SNTG2: variants seen among roughly 807,000 people sequenced by gnomAD.
SNTG2 encodes syntrophin gamma 2, also known as gamma-2-syntrophin.
A neutral mutation model predicts 70.9 loss-of-function variants in SNTG2; 74 were observed. The ratio of observed to expected loss-of-function variants is 1.04; its 90% CI spans 0.86 to 1.27. The LOEUF is 1.27. Ranked by LOEUF, SNTG2 falls within the 50% of genes most tolerant of loss-of-function variation. SNTG2 has a pLI of 0.00. For missense variants in SNTG2, 717 were observed against 690.7 expected, an observed-to-expected ratio of 1.04 and a Z score of -0.43; for synonymous variants, 278 against 273.8, an observed-to-expected ratio of 1.02 and a Z score of -0.15.
At chr2:1,016,422 G>A (rs1024131631) in intron 1 of SNTG2, among the ~76,000 whole-genome samples, 2 of 152,162 alleles carry the variant, frequency 1.3e-5, no homozygotes, top group Non-Finnish European at 2.9e-5. Flanking sequence ...TGTATTTTTA[G>A]TAGAGATGGG....
chr2:971,231 T>C (rs1235153770), intron 1 of SNTG2, among the ~76,000 whole-genome samples: 1 of 152,232 alleles, frequency 6.6e-6, no homozygotes, highest in African/African-American at 2.4e-5. Context: ...TTTTCTTGAC[T>C]TGTCTGTGAA....
At chr2:1,053,482 C>T (rs1444723258) in intron 1 of SNTG2, among the ~76,000 whole-genome samples, 1 of 130,702 alleles carries the variant, frequency 7.7e-6, no homozygotes, top group Non-Finnish European at 1.6e-5. Context: ...CCCCCCACCC[C>T]CCCAGCCCTT....
At chr2:1,290,731 G>A (rs1255722524) in intron 14 of SNTG2, among the ~76,000 whole-genome samples, 1 of 152,170 alleles carries the variant, frequency 6.6e-6, no homozygotes, top group African/African-American at 2.4e-5. Flanking sequence ...CACCCACCAG[G>A]CCTTAACTCC....
intron 9 of SNTG2, among the ~76,000 whole-genome samples, chr2:1,224,708 G>T (rs1046143202): frequency 1.8e-4 from 28 of 152,224 alleles, no homozygotes; most frequent in African/African-American, 6.8e-4. Flanking sequence ...CTGGCTGAAT[G>T]GTTTCCTGTT....
chr2:1,127,913 G>A (rs1667798448), intron 4 of SNTG2, among the ~76,000 whole-genome samples: 1 of 152,076 alleles, frequency 6.6e-6, no homozygotes, highest in African/African-American at 2.4e-5. Flanking sequence ...GGGACAATTT[G>A]ACTTCCTCTT....
At chr2:1,084,674 A>G (rs1385077220) in intron 2 of SNTG2, among the ~76,000 whole-genome samples, 1 of 152,222 alleles carries the variant, frequency 6.6e-6, no homozygotes, top group East Asian at 1.9e-4. Flanking sequence ...GGTAATTTAC[A>G]AAGAACAGAA....
At chr2:1,018,314 C>T (rs553995957) in intron 1 of SNTG2, among the ~76,000 whole-genome samples, 4 of 152,282 alleles carry the variant, frequency 2.6e-5, no homozygotes, top group South Asian at 2.1e-4. Flanking sequence ...GCTGAAGGCA[C>T]GTCGCTGGTG....
intron 1 of SNTG2, among the ~76,000 whole-genome samples, chr2:1,011,817 A>G (rs1013368477): frequency 3.3e-5 from 5 of 152,220 alleles, no homozygotes; most frequent in South Asian, 2.1e-4. Flanking sequence ...CACATTTAAA[A>G]AACACATTTT....
chr2:957,076 G>A (rs1660189344), intron 1 of SNTG2, among the ~76,000 whole-genome samples: 1 of 152,114 alleles, frequency 6.6e-6, no homozygotes, highest in Non-Finnish European at 1.5e-5. Flanking sequence ...TTTTCTTTAT[G>A]TACTGAGAAA....
At chr2:1,009,822 T>C (rs918404622) in intron 1 of SNTG2, among the ~76,000 whole-genome samples, 4 of 152,226 alleles carry the variant, frequency 2.6e-5, no homozygotes, top group African/African-American at 9.6e-5. Flanking sequence ...CTCAGATTTA[T>C]GATAGGGAAT....
At chr2:1,017,069 AAAAG>A (rs1359090264) in intron 1 of SNTG2, among the ~76,000 whole-genome samples, 1 of 152,118 alleles carries the variant, frequency 6.6e-6, no homozygotes, top group Non-Finnish European at 1.5e-5. Context: ...CTGCTACAGA[AAAAG>A]AAAATCTTGT....
intron 1 of SNTG2, among the ~76,000 whole-genome samples, chr2:1,057,494 T>G (rs1320256970): frequency 6.6e-6 from 1 of 152,168 alleles, no homozygotes; most frequent in Non-Finnish European, 1.5e-5. Context: ...TGGAGTCCGA[T>G]GTGCGAGGGC....
intron 1 of SNTG2, among the ~76,000 whole-genome samples, chr2:1,019,814 C>A (rs183810363): frequency 6.6e-6 from 1 of 151,856 alleles, no homozygotes; most frequent in East Asian, 1.9e-4. Context: ...TTTGGGAGGC[C>A]GAGGCAGGTG....
intron 7 of SNTG2, among the ~76,000 whole-genome samples, chr2:1,167,102 A>G (rs1046701467): frequency 3.3e-5 from 5 of 152,260 alleles, no homozygotes; most frequent in African/African-American, 1.2e-4. Context: ...GCGATAAGGC[A>G]GAGGGTCTAA....
chr2:1,225,254 T>A (rs1368338187), intron 9 of SNTG2, among the ~76,000 whole-genome samples: 2 of 152,236 alleles, frequency 1.3e-5, no homozygotes, highest in Non-Finnish European at 2.9e-5. Context: ...TAAAGTAATT[T>A]ACACGGTGTT....
At chr2:1,216,095 C>G (rs1198997073) in intron 9 of SNTG2, among the ~76,000 whole-genome samples, 4 of 152,106 alleles carry the variant, frequency 2.6e-5, no homozygotes, top group South Asian at 4.1e-4. Flanking sequence ...GGGTCAAATG[C>G]TATTTCTAGT....
At chr2:1,315,334 C>T (rs925582798) in intron 15 of SNTG2, among the ~76,000 whole-genome samples, 2 of 152,162 alleles carry the variant, frequency 1.3e-5, no homozygotes, top group Non-Finnish European at 2.9e-5. Flanking sequence ...GAAATAAACC[C>T]GTCAATGGTC....
chr2:1,150,320 C>T (rs1669395043), intron 6 of SNTG2, among the ~76,000 whole-genome samples: 1 of 152,072 alleles, frequency 6.6e-6, no homozygotes, highest in Non-Finnish European at 1.5e-5. Context: ...TATTGGGGAT[C>T]GAAAAGGCTG....
intron 4 of SNTG2, among the ~76,000 whole-genome samples, chr2:1,118,869 A>C (rs894666110): frequency 1.3e-5 from 2 of 152,194 alleles, no homozygotes; most frequent in Non-Finnish European, 2.9e-5. Context: ...AATTACTGAA[A>C]ACTTGGAAGT....
Sources: gnomAD v4.1 joint callset for allele counts (sites outside exome capture counted in the v4.1 genomes callset) on GRCh38, gnomAD v4.1.1 for gene constraint, MANE v1.5 for transcripts, NCBI Gene and HGNC (gene_info 2026-07-23, HGNC 2026-07-21) for gene names.